COL7A1: variants seen among roughly 807,000 people sequenced by gnomAD.
COL7A1 encodes the protein collagen type VII alpha 1 chain.
Under a neutral mutation model 456.2 loss-of-function variants are expected in COL7A1, and 296 were observed. The ratio of observed to expected loss-of-function variants is 0.65; its 90% CI spans 0.59 to 0.71. The LOEUF (loss-of-function observed/expected upper bound fraction) is 0.71, where lower values mean the gene tolerates loss of function less well. Among genes scored for constraint, COL7A1 ranks in the 30% least tolerant of loss-of-function variants. The pLI, the probability that COL7A1 is intolerant of heterozygous loss-of-function variation, is 0.00. For synonymous variants in COL7A1, 1,464 were observed against 1,525.9 expected (o/e 0.96, Z 0.95); for missense variants, 3,441 against 4,017.2 (o/e 0.86, Z 3.88).
In COL7A1 at chr3:48,564,183, ACCC is replaced by A. The variant is rs563231190; in HGVS notation, c.*220_*222del. ...TCACATCCGCTCACTGCCCACAGCC[ACCC>A]CCCCACAGTGAGTCATCTGCCAGGG... On this transcript the variant is annotated 3_prime_UTR_variant, in exon 119 of 119. Transcript: ENST00000681320. The surrounding 1 kb of genome is among the most constrained non-coding windows in gnomAD (Gnocchi z 6.0). 30 of 630,276 alleles carry A rather than the reference ACCC, an allele frequency of 4.8e-5. No individual in the cohort carries two copies. The Admixed American group carries it at 6.6e-4, about 14-fold the overall frequency. The allele number at this position is 630,276 out of a possible 1,614,324, so 39.0% of individuals were successfully genotyped here. A position where few individuals can be genotyped will look rare whatever the true frequency, so the allele number is the denominator to read the frequency against.
At position 48,569,577 on chromosome 3, in the gene COL7A1, C is replaced by T. The variant is rs201152116; in HGVS notation, c.7614+15G>A. On this transcript the variant is annotated intron_variant, in intron 102 of 118. Coordinates refer to ENST00000681320, the MANE Select transcript of COL7A1 (RefSeq NM_000094.4). This position sits in a 1 kb window ranked among gnomAD's most constrained non-coding sequence, Gnocchi z 4.9. ...GCACCCAGGGGAGACCCAGTCCACACGTGGGCCCACTCACCATGTCCCCCT... is the reference window on the plus strand; with the variant it reads ...GCACCCAGGGGAGACCCAGTCCACATGTGGGCCCACTCACCATGTCCCCCT... 6.6e-5 allele frequency: 107 copies of T among 1,613,732 alleles called. No individual in the cohort carries two copies. The highest frequency in any genetic ancestry group is 9.3e-5 in the African/African-American group (7 of 75,032).
rs182447295 is a variant in COL7A1, at chr3:48,568,896, T to G, written c.7687-41A>C. The G allele has an allele frequency of 1.3e-6, 2 of 1,546,340 alleles. No homozygotes were observed. Among genetic ancestry groups the G allele is most frequent in the Admixed American group, 1.9e-5 (1 of 51,546 alleles). ...GGAGAGGGATTCAGTCAGGACCAGA[T>G]CAGGCTGGGGGCTTAGAATACAACG... On this transcript the variant is annotated intron_variant, in intron 103 of 118. Transcript: ENST00000681320. The surrounding 1 kb of genome is among the most constrained non-coding windows in gnomAD (Gnocchi z 5.2).
Position 48,565,026 on chromosome 3 carries a change from G to C in COL7A1, c.8621-46C>G, listed in dbSNP as rs1195702780. 1 of 1,613,308 alleles carries C rather than the reference G, an allele frequency of 6.2e-7. No individual in the cohort carries two copies. The highest frequency in any genetic ancestry group is 8.5e-7 in the Non-Finnish European group (1 of 1,179,430). On this transcript the variant is annotated intron_variant, in intron 117 of 118. Transcript: ENST00000681320. This position sits in a 1 kb window ranked among gnomAD's most constrained non-coding sequence, Gnocchi z 4.5. ...CAGCAGGGTTTGTGGGAATCAGAGA[G>C]GGTTGAAAGGTCAGGGGGAGGTCAG...
chr3:48,594,510 A>G lies in COL7A1; in HGVS notation c.124T>C (p.Leu42=), dbSNP rs762008458. Residue 42 remains leucine, a synonymous_variant, in exon 3 of 119, where the codon TTA becomes CTA. Coordinates refer to ENST00000681320, the MANE Select transcript of COL7A1 (RefSeq NM_000094.4). This position sits in a 1 kb window ranked among gnomAD's most constrained non-coding sequence, Gnocchi z 5.5. ...CCAATGGATGAGGAGCCATCCAGTA[A>G]GAACACAATGTCAGCGGCGTAAAGG... ...TRLYAADIVF[L]LDGSSSIGRS... 32 of 1,611,720 alleles carry G rather than the reference A, an allele frequency of 2.0e-5. No homozygotes were observed. Among genetic ancestry groups the G allele is most frequent in the Non-Finnish European group, 2.6e-5 (31 of 1,179,860 alleles).
chr3:48,590,327 C>G lies in COL7A1; in HGVS notation c.1936G>C (p.Asp646His), dbSNP rs765663530. ...CCTGTGATGTCTGTGGCAGTAGAGT[C>G]TGGGGGCAGTGTCTGGCTGGACTCC... ...GPESSQTLPP[D>H]STATDITGLQ... The change falls in exon 16 of 119, where the codon GAC (aspartate) becomes CAC (histidine). Residue 646 changes from aspartate (D) to histidine (H), a missense_variant. Coordinates refer to ENST00000681320, the MANE Select transcript of COL7A1 (RefSeq NM_000094.4). This position sits in a 1 kb window ranked among gnomAD's most constrained non-coding sequence, Gnocchi z 4.6. 1.9e-5 allele frequency: 30 copies of G among 1,613,966 alleles called. No individual in the cohort carries two copies. In the Admixed American group the frequency reaches 4.7e-4, roughly 25 times the overall value.
At position 48,587,220 on chromosome 3, in the gene COL7A1, C is replaced by T. The variant is rs2045334228; in HGVS notation, c.3109G>A (p.Gly1037Ser). ...SLTPVLDGVR[G>S]PEASVTQTPV... ...GTCTGTGTGACAGATGCCTCAGGAC[C>T]CCGCACACCATCCAGGACAGGCGTC... Residue 1037 changes from glycine (G) to serine (S), a missense_variant, in exon 24 of 119, where the codon GGT becomes AGT. Coordinates refer to ENST00000681320, the MANE Select transcript of COL7A1 (RefSeq NM_000094.4). This position sits in a 1 kb window ranked among gnomAD's most constrained non-coding sequence, Gnocchi z 6.1. The T allele has an allele frequency of 6.2e-7, 1 of 1,613,668 alleles. No homozygotes were observed. The highest frequency in any genetic ancestry group is 8.5e-7 in the Non-Finnish European group (1 of 1,179,924).
intron 18 of COL7A1, 117 bp from the exon 19 acceptor site, chr3:48,589,112 G>A: frequency 6.4e-7 from 1 of 1,569,652 alleles, no homozygotes; most frequent in Non-Finnish European, 8.7e-7. Flanking sequence ...GGTCACTTTA[G>A]GCAGCCCTGA....
chr3:48,590,640 A>T lies in COL7A1; in HGVS notation c.1780+33T>A. The stretch of plus-strand genomic sequence containing the variant: ...GAACCAGGACCAGAGTGAGGCAGGC[A>T]GCTGTCCTCCACAAGCCTCCTGCAG... On this transcript the variant is annotated intron_variant, in intron 14 of 118. Coordinates refer to ENST00000681320, the MANE Select transcript of COL7A1 (RefSeq NM_000094.4). This position sits in a 1 kb window ranked among gnomAD's most constrained non-coding sequence, Gnocchi z 4.6. 1 of 1,613,976 alleles carries T rather than the reference A, an allele frequency of 6.2e-7. No homozygotes were observed. The highest frequency in any genetic ancestry group is 8.5e-7 in the Non-Finnish European group (1 of 1,180,024).
Position 48,566,857 on chromosome 3 carries a change from G to A in COL7A1, c.8226+50C>T. The A allele has an allele frequency of 6.4e-7, 1 of 1,572,090 alleles. No homozygotes were observed. The highest frequency in any genetic ancestry group is 8.7e-7 in the Non-Finnish European group (1 of 1,151,046). On this transcript the variant is annotated intron_variant, in intron 111 of 118. Coordinates refer to ENST00000681320, the MANE Select transcript of COL7A1 (RefSeq NM_000094.4). This position sits in a 1 kb window ranked among gnomAD's most constrained non-coding sequence, Gnocchi z 5.9. ...AGGCTGGAAGATGGTTATGAGGTTG[G>A]AAGGGTAGGGAAGGTTCAGGGATCA...
rs2044304340 is a variant in COL7A1, at chr3:48,576,454, A to G, written c.5737-19T>C. On this transcript the variant is annotated intron_variant, in intron 69 of 118. Coordinates refer to ENST00000681320, the MANE Select transcript of COL7A1 (RefSeq NM_000094.4). ...GGTCACCCTGAAAACAAGAATGACC[A>G]GGTGGGGAAATGGCCCCCAGCCTGG... 1.9e-6 allele frequency: 3 copies of G among 1,613,358 alleles called. No homozygotes were observed. In the African/African-American group the frequency reaches 4.0e-5, roughly 22 times the overall value.
At position 48,568,420 on chromosome 3, in the gene COL7A1, C is replaced by T; in HGVS notation, c.7794+79G>A. On this transcript the variant is annotated intron_variant, in intron 105 of 118. Transcript: ENST00000681320. The surrounding 1 kb of genome is among the most constrained non-coding windows in gnomAD (Gnocchi z 5.2). Reference sequence around the variant, plus strand: ...CACTGGGTCACTATAAGGTCAAAAGCTACCACACTGGTGGGACCACCATGG... The same window carrying T: ...CACTGGGTCACTATAAGGTCAAAAGTTACCACACTGGTGGGACCACCATGG... 1 of 1,445,996 alleles carries T rather than the reference C, an allele frequency of 6.9e-7. No individual in the cohort carries two copies. Among genetic ancestry groups the T allele is most frequent in the African/African-American group, 1.4e-5 (1 of 71,056 alleles). 89.6% of individuals were successfully genotyped at this position (1,445,996 alleles called of 1,614,324 possible).
Position 48,568,087 on chromosome 3 carries a change from T to C in COL7A1, c.7875+3A>G. ...AAAAAAACCAATCTTGTTTCTTTCC[T>C]ACCTTGAGGCCCCGGGGACCCATGA... On this transcript the variant is annotated splice_donor_region_variant and intron_variant, in intron 106 of 118. Coordinates refer to ENST00000681320, the MANE Select transcript of COL7A1 (RefSeq NM_000094.4). The surrounding 1 kb of genome is among the most constrained non-coding windows in gnomAD (Gnocchi z 5.2). 1 of 1,614,182 alleles carries C rather than the reference T, an allele frequency of 6.2e-7. No homozygotes were observed. Among genetic ancestry groups the C allele is most frequent in the East Asian group, 2.2e-5 (1 of 44,892 alleles).
At position 48,594,945 on chromosome 3, in the gene COL7A1, T is replaced by C; in HGVS notation, c.85+130A>G. On this transcript the variant is annotated intron_variant, in intron 2 of 118. Coordinates refer to ENST00000681320, the MANE Select transcript of COL7A1 (RefSeq NM_000094.4). The surrounding 1 kb of genome is among the most constrained non-coding windows in gnomAD (Gnocchi z 5.5). ...CGGAGGGTTCGGGGAGTCCCAGAAT[T>C]AGGAGGAATCCGCGGGGCGTCGTGG... 5.1e-6 allele frequency: 4 copies of C among 788,656 alleles called. No individual in the cohort carries two copies. Among genetic ancestry groups the C allele is most frequent in the Non-Finnish European group, 8.3e-6 (4 of 483,810 alleles). The allele number at this position is 788,656 out of a possible 1,614,324, so 48.9% of individuals were successfully genotyped here. A position where few individuals can be genotyped will look rare whatever the true frequency, so the allele number is the denominator to read the frequency against.
Position 48,570,672 on chromosome 3 carries a change from T to A in COL7A1, c.7311A>T (p.Gly2437=). The A allele has an allele frequency of 6.3e-7, 1 of 1,590,086 alleles. No individual in the cohort carries two copies. The highest frequency in any genetic ancestry group is 1.7e-4 in the Middle Eastern group (1 of 5,988). The change falls in exon 96 of 119, where the codon GGA becomes GGT. Residue 2437 remains glycine (G), a synonymous_variant. Transcript: ENST00000681320. This position sits in a 1 kb window ranked among gnomAD's most constrained non-coding sequence, Gnocchi z 5.5. ...AGPPGREGIP[G]PLGPPGPPGS... is the part of the protein sequence containing the mutation. The stretch of plus-strand genomic sequence containing the variant: ...CCGGTGGTCCAGGTGGCCCCAGGGG[T>A]CCTGGGATTCCTTCTCTCCCTGGGG...
intron 37 of COL7A1, 91 bp downstream of exon 37, chr3:48,584,207 G>T: frequency 6.5e-7 from 1 of 1,547,464 alleles, no homozygotes; most frequent in Non-Finnish European, 8.8e-7. Context: ...TAATCAAAGG[G>T]TCACAAGGGC....
Position 48,590,109 on chromosome 3 carries a change from G to T in COL7A1, c.2050+104C>A. 7.8e-7 allele frequency: 1 copy of T among 1,285,604 alleles called. No homozygotes were observed. The highest frequency in any genetic ancestry group is 2.4e-5 in the East Asian group (1 of 42,258). The allele number at this position is 1,285,604 out of a possible 1,614,324, so 79.6% of individuals were successfully genotyped here. A position where few individuals can be genotyped will look rare whatever the true frequency, so the allele number is the denominator to read the frequency against. ...GGAGGAGGGAGTGGGATTCTGAAGG[G>T]GGAGGCAGGAGTTCTGGGGAGAAGC... On this transcript the variant is annotated intron_variant, in intron 16 of 118. Transcript: ENST00000681320. The surrounding 1 kb of genome is among the most constrained non-coding windows in gnomAD (Gnocchi z 4.6).
At position 48,567,010 on chromosome 3, in the gene COL7A1, A is replaced by G. The variant is rs372750088; in HGVS notation, c.8123T>C (p.Ile2708Thr). The change falls in exon 111 of 119, where the codon ATT (isoleucine) becomes ACT (threonine). Residue 2708 changes from isoleucine to threonine, a missense_variant. Physicochemically the swap from Ile to Thr is moderately conservative, Grantham distance 89 (BLOSUM62 -1). Around this residue, in one of 3 missense-constraint regions of COL7A1, gnomAD observed 2,084 missense variants for 2,501.3 expected, o/e 0.83. Transcript: ENST00000681320. The surrounding 1 kb of genome is among the most constrained non-coding windows in gnomAD (Gnocchi z 4.3). ...GEKGERGTPG[I>T]GGFPGPSGND... is the part of the protein sequence containing the mutation. Reference sequence around the variant, plus strand: ...TCCACTGGGGCCTGGGAAGCCCCCAATTCCTGGGGTTCCCTGGGGAGATAT... The same window carrying G: ...TCCACTGGGGCCTGGGAAGCCCCCAGTTCCTGGGGTTCCCTGGGGAGATAT... 1.6e-5 allele frequency: 26 copies of G among 1,612,726 alleles called. No homozygotes were observed. Among genetic ancestry groups the G allele is most frequent in the African/African-American group, 4.0e-5 (3 of 74,782 alleles).
chr3:48,569,353 T>G lies in COL7A1; in HGVS notation c.7686+22A>C, dbSNP rs2107641477. ...CACAGCCACAGGACCCCACAGAGAG[T>G]ACACCACCCTCTTCCCTGTACCTTG... On this transcript the variant is annotated intron_variant, in intron 103 of 118. Coordinates refer to ENST00000681320, the MANE Select transcript of COL7A1 (RefSeq NM_000094.4). The surrounding 1 kb of genome is among the most constrained non-coding windows in gnomAD (Gnocchi z 4.9). 1 of 1,612,812 alleles carries G rather than the reference T, an allele frequency of 6.2e-7. No homozygotes were observed. The highest frequency in any genetic ancestry group is 2.2e-5 in the East Asian group (1 of 44,798).
rs1329675690 is a variant in COL7A1, at chr3:48,575,637, G to A, written c.5968C>T (p.Pro1990Ser). Residue 1990 changes from proline (P) to serine (S), a missense_variant, in exon 73 of 119, where the codon CCA (proline) becomes TCA (serine). Coordinates refer to ENST00000681320, the MANE Select transcript of COL7A1 (RefSeq NM_000094.4). This position sits in a 1 kb window ranked among gnomAD's most constrained non-coding sequence, Gnocchi z 6.3. ...CCACTTCTGCTCACCTCCTTGCCTGGGGGGCCCTGTTCGCCTGAGTCCCCC... is the reference window on the plus strand; with the variant it reads ...CCACTTCTGCTCACCTCCTTGCCTGAGGGGCCCTGTTCGCCTGAGTCCCCC... The part of the protein sequence containing the change: ...PKGDSGEQGP[P>S]GKEGPIGFPG... 6.2e-7 allele frequency: 1 copy of A among 1,613,396 alleles called. No homozygotes were observed.
Sources: allele counts gnomAD v4.1 joint callset, GRCh38; gene constraint gnomAD v4.1.1; regional missense constraint gnomAD v4.1.1; non-coding constraint Gnocchi (gnomAD v3.1); transcripts MANE v1.5; gene names NCBI Gene and HGNC (gene_info 2026-07-23, HGNC 2026-07-21).